IL12RB1: variants seen among roughly 807,000 people sequenced by gnomAD.
IL12RB1 encodes the protein interleukin-12 receptor subunit beta-1.
A neutral mutation model predicts 94.4 loss-of-function variants in IL12RB1; 64 were observed. That is an observed-to-expected ratio of 0.68 (90% CI 0.55 to 0.83). The LOEUF (loss-of-function observed/expected upper bound fraction) is 0.83, where lower values mean the gene tolerates loss of function less well. Among genes scored for constraint, IL12RB1 ranks in the 40% least tolerant of loss-of-function variants. IL12RB1 has a pLI of 0.00. For synonymous variants in IL12RB1, 362 were observed against 355.5 expected (o/e 1.02, Z -0.21); for missense variants, 814 against 855.6 (o/e 0.95, Z 0.61).
At chr19:18,084,010 C>CCCAT (rs55727878) in intron 1 of IL12RB1, among the ~76,000 whole-genome samples, 3,675 of 139,896 alleles carry the variant, frequency 0.026, 51 homozygotes, top group Non-Finnish European at 0.034. Flanking sequence ...CACCCATCTA[C>CCCAT]CCATCCATCC....
At chr19:18,073,740 A>C (rs1255372603) in intron 7 of IL12RB1, 141 bp from the exon 8 acceptor site, 1 of 696,124 alleles carries the variant, frequency 1.4e-6, no homozygotes, top group African/African-American at 1.8e-5. Flanking sequence ...GAAAAAACTG[A>C]AGGAAGAAAA....
intron 1 of IL12RB1, among the ~76,000 whole-genome samples, chr19:18,096,830 A>AT (rs1046671603): frequency 1.3e-4 from 14 of 111,454 alleles, no homozygotes; most frequent in East Asian, 9.5e-4. Flanking sequence ...CGTCTCATAA[A>AT]TTAAAAAAAA....
chr19:18,083,306 C>A lies in IL12RB1; in HGVS notation c.124+126G>T. Reference sequence around the variant, plus strand: ...GGGCCAGCAGGTGGTGGGGTGGGGACTCCCAAGACCACAGGCAGGGCTGGG... The same window carrying A: ...GGGCCAGCAGGTGGTGGGGTGGGGAATCCCAAGACCACAGGCAGGGCTGGG... On this transcript the variant is annotated intron_variant, in intron 2 of 16. Transcript: ENST00000593993. 3.3e-6 allele frequency: 3 copies of A among 907,762 alleles called. No individual in the cohort carries two copies. In the South Asian group the frequency reaches 3.9e-5, roughly 12 times the overall value. 56.2% of individuals were successfully genotyped at this position (907,762 alleles called of 1,614,324 possible). A position where few individuals can be genotyped will look rare whatever the true frequency, so the allele number is the denominator to read the frequency against.
rs369644168 is a variant in IL12RB1, at chr19:18,062,420, C to A, written c.1619-143G>T. ...GGCTTCTCACTGGGAGACCACAGAA[C>A]CCACCTGCCCGGTAGCTGTCAAGAA... On this transcript the variant is annotated intron_variant, in intron 13 of 16. Coordinates refer to ENST00000593993, the MANE Select transcript of IL12RB1 (RefSeq NM_005535.3). The A allele has an allele frequency of 3.0e-4, 173 of 577,408 alleles. 2 individuals carry two copies. The South Asian group carries it at 3.5e-3, about 12-fold the overall frequency. The allele number at this position is 577,408 out of a possible 1,614,324, so 35.8% of individuals were successfully genotyped here. A position where few individuals can be genotyped will look rare whatever the true frequency, so the allele number is the denominator to read the frequency against.
At chr19:18,060,111 C>A in intron 15 of IL12RB1, 26 bp from the exon 16 acceptor site, 1 of 1,362,488 alleles carries the variant, frequency 7.3e-7, no homozygotes, top group Non-Finnish European at 1.0e-6. Context: ...AGGGCCACAG[C>A]TGTGAGCAGA....
chr19:18,077,773 A>G (rs928163996), intron 4 of IL12RB1, 118 bp from the exon 5 acceptor site: 20 of 737,474 alleles, frequency 2.7e-5, no homozygotes, highest in Non-Finnish European at 4.5e-5. Flanking sequence ...ATTAGGGGAC[A>G]CTTGCAGGTC....
At chr19:18,067,586 G>A (rs956132492) in intron 11 of IL12RB1, among the ~76,000 whole-genome samples, 3 of 152,062 alleles carry the variant, frequency 2.0e-5, no homozygotes, top group Non-Finnish European at 4.4e-5. Context: ...GGTGGATCAC[G>A]AGGTTAGGCA....
intron 13 of IL12RB1, among the ~76,000 whole-genome samples, chr19:18,062,851 C>T (rs2034250390): frequency 6.6e-6 from 1 of 151,946 alleles, no homozygotes; most frequent in Non-Finnish European, 1.5e-5. Flanking sequence ...CCAGGCCTGC[C>T]TGCCCCCCAC....
intron 7 of IL12RB1, among the ~76,000 whole-genome samples, chr19:18,074,817 C>T (rs996092840): frequency 5.3e-5 from 8 of 151,698 alleles, no homozygotes; most frequent in Admixed American, 4.6e-4. Flanking sequence ...TTTGGGAGGC[C>T]GAGGAGGGCA....
chr19:18,092,151 A>C (rs940063449), intron 1 of IL12RB1, among the ~76,000 whole-genome samples: 1 of 148,198 alleles, frequency 6.7e-6, no homozygotes, highest in African/African-American at 2.5e-5. Context: ...GGCTGGGATT[A>C]CCGGCGTAAG....
In IL12RB1 at chr19:18,083,482, C is replaced by T. The variant is rs200783433; in HGVS notation, c.74G>A (p.Arg25Lys). The T allele has an allele frequency of 5.6e-6, 9 of 1,613,870 alleles. No homozygotes were observed. In the South Asian group the frequency reaches 7.7e-5, roughly 14 times the overall value. Residue 25 changes from arginine (R) to lysine (K), a missense_variant, in exon 2 of 17, where the codon AGA (arginine) becomes AAA (lysine). Physicochemically the swap from Arg to Lys is conservative, Grantham distance 26 (BLOSUM62 2). Transcript: ENST00000593993. The stretch of plus-strand genomic sequence containing the variant: ...GTCCTGAAAACAGCACTCACTGGTT[C>T]TGCAGGCAGCTGCAAAGGCAATGAA... ...FLLSRQGAAC[R>K]TSECCFQDPP...
At chr19:18,097,769 C>T (rs933637463) in intron 1 of IL12RB1, 1 of 1,207,822 alleles carries the variant, frequency 8.3e-7, no homozygotes, top group African/African-American at 1.6e-5. Flanking sequence ...CGGGGGCGGG[C>T]CTGGCGGCGC....
chr19:18,080,877 G>T lies in IL12RB1; in HGVS notation c.364C>A (p.Gln122Lys). The T allele has an allele frequency of 6.2e-7, 1 of 1,612,214 alleles. No individual in the cohort carries two copies. The highest frequency in any genetic ancestry group is 1.7e-5 in the Admixed American group (1 of 59,998). ...GTCACCTCAGGAGACTTCTCTGTCT[G>T]GTTCCTGGCCCAGGATTCCACCCAG... Reference protein sequence around the residue: ...TLWVESWARNQTEKSPEVTLQ... With the variant: ...TLWVESWARNKTEKSPEVTLQ... The change falls in exon 4 of 17, where the codon CAG becomes AAG. Residue 122 changes from glutamine to lysine, a missense_variant. By Grantham distance (53) the Gln-to-Lys change is moderately conservative. Coordinates refer to ENST00000593993, the MANE Select transcript of IL12RB1 (RefSeq NM_005535.3).
upstream of IL12RB1, among the ~76,000 whole-genome samples, chr19:18,089,788 G>T (rs2384853): frequency 7.7e-3 from 1,167 of 152,336 alleles, 16 homozygotes; most frequent in African/African-American, 0.026. Context: ...TGTGCAATGC[G>T]GTTCAGCTTC....
At chr19:18,067,922 C>G (rs553801772) in intron 11 of IL12RB1, among the ~76,000 whole-genome samples, 2 of 151,794 alleles carry the variant, frequency 1.3e-5, no homozygotes, top group South Asian at 4.2e-4. Context: ...TCTTGAACTC[C>G]TGGGTTCAAG....
intron 1 of IL12RB1, among the ~76,000 whole-genome samples, chr19:18,086,413 T>C (rs1220680974): frequency 6.6e-6 from 1 of 152,160 alleles, no homozygotes; most frequent in African/African-American, 2.4e-5. Flanking sequence ...ACTGTATACA[T>C]TATATTATGT....
At chr19:18,077,089 G>A (rs373654) in intron 5 of IL12RB1, among the ~76,000 whole-genome samples, 40,871 of 152,098 alleles carry the variant, frequency 0.27, 5,822 homozygotes, top group East Asian at 0.37. Flanking sequence ...GGAGCAAGGC[G>A]TGGTGGTTCA....
In IL12RB1 at chr19:18,068,489, C is replaced by T. The variant is rs746490724; in HGVS notation, c.1227G>A (p.Gly409=). 2 of 1,611,488 alleles carry T rather than the reference C, an allele frequency of 1.2e-6. No individual in the cohort carries two copies. The highest frequency in any genetic ancestry group is 1.7e-6 in the Non-Finnish European group (2 of 1,177,888). ...YSWSRESGAM[G]QEKCYYITIF... ...TGGTAATGTAGTAACACTTTTCCTG[C>T]CCCATTGCCCCAGACTCTCGACTCC... The change falls in exon 11 of 17, where the codon GGG becomes GGA. Residue 409 remains glycine, a synonymous_variant. Transcript: ENST00000593993.
chr19:18,062,279 T>C lies in IL12RB1; in HGVS notation c.1619-2A>G. Reference sequence around the variant, plus strand: ...TGAGCCAATCAGAAACCTGCACTTCTGAGGTGGGAGAGCGTGGGTTGGCAG... The same window carrying C: ...TGAGCCAATCAGAAACCTGCACTTCCGAGGTGGGAGAGCGTGGGTTGGCAG... On this transcript the variant is annotated splice_acceptor_variant, in intron 13 of 16. Transcript: ENST00000593993. LOFTEE classifies it high-confidence loss of function. 1 of 1,604,226 alleles carries C rather than the reference T, an allele frequency of 6.2e-7. No homozygotes were observed. Among genetic ancestry groups the C allele is most frequent in the South Asian group, 1.1e-5 (1 of 90,882 alleles).
Sources: allele counts gnomAD v4.1 joint callset (sites outside exome capture counted in the v4.1 genomes callset), GRCh38; gene constraint gnomAD v4.1.1; transcripts MANE v1.5; gene names NCBI Gene and HGNC (gene_info 2026-07-23, HGNC 2026-07-21).